Variants in SLC9C1 observed in about 807,000 individuals in gnomAD.
SLC9C1 encodes the protein sodium/hydrogen exchanger 10.
In SLC9C1, 97 loss-of-function variants were observed where a neutral mutation model predicts 140.9. That is an observed-to-expected ratio of 0.69 (90% CI 0.58 to 0.82). The LOEUF is 0.82. Among genes scored for constraint, SLC9C1 ranks in the 40% least tolerant of loss-of-function variants. The probability of loss-of-function intolerance (pLI) is 0.00; values close to 1 mark genes in which losing one functional copy is unlikely to be tolerated. For synonymous variants in SLC9C1, 440 were observed against 442.6 expected, an observed-to-expected ratio of 0.99 and a Z score of 0.07; for missense variants, 1,340 against 1,389.3, an observed-to-expected ratio of 0.96 and a Z score of 0.56.
Position 112,266,342 on chromosome 3 carries a change from T to G in SLC9C1, c.776-2A>C, listed in dbSNP as rs2108302955. 1.3e-6 allele frequency: 2 copies of G among 1,590,846 alleles called. No individual in the cohort carries two copies. The highest frequency in any genetic ancestry group is 4.5e-5 in the East Asian group (2 of 44,258). On this transcript the variant is annotated splice_acceptor_variant, in intron 7 of 28. Coordinates refer to ENST00000305815, the MANE Select transcript of SLC9C1 (RefSeq NM_183061.3). LOFTEE classifies it high-confidence loss of function. ...TTCCTGACATTCCAACTAACTCACC[T>G]ATTTTTAAAAAGAAATAAATATAAA...
intron 13 of SLC9C1, among the ~76,000 whole-genome samples, chr3:112,229,860 A>C (rs2078776036): frequency 6.6e-6 from 1 of 152,160 alleles, no homozygotes. Context: ...TTTAGTGTTT[A>C]ATATTCTGTT....
Position 112,204,326 on chromosome 3 carries a change from T to C in SLC9C1, c.2064A>G (p.Leu688=). 1 of 1,574,106 alleles carries C rather than the reference T, an allele frequency of 6.4e-7. No homozygotes were observed. Among genetic ancestry groups the C allele is most frequent in the Non-Finnish European group, 8.6e-7 (1 of 1,166,130 alleles). Residue 688 remains leucine, a synonymous_variant, in exon 17 of 29, where the codon TTA becomes TTG. Coordinates refer to ENST00000305815, the MANE Select transcript of SLC9C1 (RefSeq NM_183061.3). ...FELAITLIGI[L]HVILIEIDTI... is the part of the protein sequence containing the mutation. ...TGTCTATTTCAATAAGTATTACATG[T>C]AAGATGCCAATTAATGTAATTGCTA...
At chr3:112,174,976 G>T (rs2077309787) in intron 23 of SLC9C1, among the ~76,000 whole-genome samples, 1 of 152,114 alleles carries the variant, frequency 6.6e-6, no homozygotes, top group Non-Finnish European at 1.5e-5. Context: ...CCAGCCTCTG[G>T]TCCCTACAGA....
intron 28 of SLC9C1, among the ~76,000 whole-genome samples, chr3:112,142,812 G>A (rs1041926930): frequency 3.9e-5 from 6 of 152,072 alleles, no homozygotes; most frequent in Non-Finnish European, 7.4e-5. Context: ...CTGGGCTTAG[G>A]ATTCAAATGA....
chr3:112,263,546 C>T (rs2079834768), intron 9 of SLC9C1, among the ~76,000 whole-genome samples: 1 of 151,154 alleles, frequency 6.6e-6, no homozygotes, highest in Admixed American at 6.6e-5. Context: ...ATATATCATT[C>T]CTATGTTTTA....
chr3:112,199,883 C>T (rs868723301), intron 19 of SLC9C1, among the ~76,000 whole-genome samples: 1 of 151,984 alleles, frequency 6.6e-6, no homozygotes, highest in African/African-American at 2.4e-5. Context: ...TCCTTTCACT[C>T]GTCTTAGGTC....
At position 112,278,737 on chromosome 3, in the gene SLC9C1, A is replaced by C; in HGVS notation, c.310T>G (p.Phe104Val). ...CAAAAAAGAATGCTTACCTGCCAAA[A>C]TAACTTTTGAAGCATGTACGTATCC... ...DMDTYMLQKL[F>V]WQILLISIPG... is the part of the protein sequence containing the mutation. Residue 104 changes from phenylalanine (F) to valine (V), a missense_variant, in exon 4 of 29, where the codon TTT (phenylalanine) becomes GTT (valine). Physicochemically the swap from Phe to Val is conservative, Grantham distance 50. Coordinates refer to ENST00000305815, the MANE Select transcript of SLC9C1 (RefSeq NM_183061.3). The C allele has an allele frequency of 6.3e-7, 1 of 1,597,558 alleles. No individual in the cohort carries two copies. Among genetic ancestry groups the C allele is most frequent in the African/African-American group, 1.4e-5 (1 of 73,942 alleles).
Position 112,221,156 on chromosome 3 carries a change from C to T in SLC9C1, c.1642G>A (p.Ala548Thr), listed in dbSNP as rs758776288. ...CCCTTCTTCTCACCAAAACTTTCTG[C>T]TGCACCAACCAACACCTGGACAGCA... ...QSAVQVLVGA[A>T]ESFGEKKGKC... is the part of the protein sequence containing the mutation. Residue 548 changes from alanine (A) to threonine (T), a missense_variant, in exon 14 of 29, where the codon GCA (alanine) becomes ACA (threonine). By Grantham distance (58) the Ala-to-Thr change is moderately conservative (BLOSUM62 0). Transcript: ENST00000305815. 1 of 1,613,644 alleles carries T rather than the reference C, an allele frequency of 6.2e-7. No individual in the cohort carries two copies. The highest frequency in any genetic ancestry group is 1.1e-5 in the South Asian group (1 of 91,030).
At chr3:112,246,366 T>C (rs1250030097) in intron 10 of SLC9C1, among the ~76,000 whole-genome samples, 1 of 152,154 alleles carries the variant, frequency 6.6e-6, no homozygotes, top group East Asian at 1.9e-4. Flanking sequence ...AGATATCCAT[T>C]AAAAACTATA....
At chr3:112,262,713 G>GT (rs1559728653) in intron 10 of SLC9C1, among the ~76,000 whole-genome samples, 1 of 151,782 alleles carries the variant, frequency 6.6e-6, no homozygotes, top group African/African-American at 2.4e-5. Context: ...TGATTGATAA[G>GT]TTTTAATTAC....
chr3:112,187,767 G>A lies in SLC9C1; in HGVS notation c.2524-5509C>T, dbSNP rs141647113. Among the ~76,000 whole-genome samples, 109 of 151,780 alleles carry A rather than the reference G, an allele frequency of 7.2e-4. 1 individual carries two copies. In the East Asian group the frequency reaches 0.021, roughly 29 times the overall value. ...TCCTTCTCATTTCTTCTTCCACATG[G>A]GGCAATACGAAAAGTTTTGCATATA... is the stretch of plus-strand genomic sequence containing the variant. On this transcript the variant is annotated intron_variant, in intron 20 of 28. Coordinates refer to ENST00000305815, the MANE Select transcript of SLC9C1 (RefSeq NM_183061.3).
chr3:112,279,023 C>T, intron 3 of SLC9C1, 166 bp from the exon 4 acceptor site: 1 of 578,348 alleles, frequency 1.7e-6, no homozygotes, highest in Non-Finnish European at 2.8e-6. Flanking sequence ...AAATAATTGG[C>T]CATGGCTTAT....
chr3:112,148,547 C>G (rs1576200580), intron 28 of SLC9C1, among the ~76,000 whole-genome samples: 1 of 152,060 alleles, frequency 6.6e-6, no homozygotes, highest in Non-Finnish European at 1.5e-5. Flanking sequence ...GCTACTGTAG[C>G]TCTATGTCTT....
chr3:112,192,071 T>A (rs1412307668), intron 20 of SLC9C1, among the ~76,000 whole-genome samples: 1 of 151,878 alleles, frequency 6.6e-6, no homozygotes, highest in Non-Finnish European at 1.5e-5. Context: ...TCCATTTTTT[T>A]TTTTACTGTG....
rs1560081286 is a variant in SLC9C1, at chr3:112,217,512, CTG to C, written c.1718_1719del (p.Thr573SerfsTer5). 6.2e-7 allele frequency: 1 copy of C among 1,610,088 alleles called. No individual in the cohort carries two copies. The highest frequency in any genetic ancestry group is 1.1e-5 in the South Asian group (1 of 89,940). On this transcript the variant is annotated frameshift_variant, in exon 15 of 29. Coordinates refer to ENST00000305815, the MANE Select transcript of SLC9C1 (RefSeq NM_183061.3). LOFTEE classifies it high-confidence loss of function. ...AGTAGTAGTTTTCTAGCAAAGGTAACTGTTTTTTGGCTTTCAGAATAATTCTT... is the reference window on the plus strand; with the variant it reads ...AGTAGTAGTTTTCTAGCAAAGGTAACTTTTTTGGCTTTCAGAATAATTCTT... Reference protein sequence around the residue: ...TIKNYSESQKTVTFARKLLLN... With the variant: ...TIKNYSESQKXVTFARKLLLN...
rs530087309 is a variant in SLC9C1 at position 112,239,412 on chromosome 3, C to T, written c.1446+428G>A. On this transcript the variant is annotated intron_variant, in intron 12 of 28. Transcript: ENST00000305815. ...GACCCCTTGCGCTTCCTGCGTGAGG[C>T]GATGCCTCGCCCTGGTTCAACTCAC... is the stretch of plus-strand genomic sequence containing the variant. 1.1e-3 allele frequency among the ~76,000 whole-genome samples: 160 copies of T among 152,346 alleles called. 3 individuals carry two copies. The East Asian group carries it at 0.013, about 12-fold the overall frequency.
At chr3:112,220,854 G>GT (rs2078521054) in intron 14 of SLC9C1, among the ~76,000 whole-genome samples, 1 of 63,380 alleles carries the variant, frequency 1.6e-5, no homozygotes, top group Admixed American at 2.2e-4. Context: ...ACTTTTGGCA[G>GT]GGGGGGACAA....
intron 10 of SLC9C1, among the ~76,000 whole-genome samples, chr3:112,258,192 T>C (rs2079665136): frequency 6.6e-6 from 1 of 152,174 alleles, no homozygotes; most frequent in Admixed American, 6.5e-5. Flanking sequence ...CATTCCTGTG[T>C]ATATGCCCAA....
chr3:112,289,743 C>T (rs1422241497), intron 1 of SLC9C1, among the ~76,000 whole-genome samples: 1 of 152,108 alleles, frequency 6.6e-6, no homozygotes, highest in Non-Finnish European at 1.5e-5. Flanking sequence ...TGGTTCTTTT[C>T]CTCAAAGGAT....
Sources: gnomAD v4.1 joint callset for allele counts (sites outside exome capture counted in the v4.1 genomes callset) on GRCh38, gnomAD v4.1.1 for gene constraint, MANE v1.5 for transcripts, NCBI Gene and HGNC (gene_info 2026-07-23, HGNC 2026-07-21) for gene names.